Variants in VSTM5 observed in about 807,000 individuals in gnomAD.
VSTM5 encodes the protein V-set and transmembrane domain containing 5.
VSTM5 carries 21 observed loss-of-function variants against 20.3 expected under a neutral mutation model. That is an observed-to-expected ratio of 1.03 (90% CI 0.73 to 1.49). The LOEUF (loss-of-function observed/expected upper bound fraction) is 1.49. Ranked by LOEUF, VSTM5 falls within the 40% of genes most tolerant of loss-of-function variation. VSTM5 has a pLI of 0.00. For synonymous variants in VSTM5, 100 were observed against 102.5 expected, an observed-to-expected ratio of 0.98 and a Z score of 0.14; for missense variants, 219 against 250.0, an observed-to-expected ratio of 0.88 and a Z score of 0.84.
At chr11:93,841,514 A>T (rs561219117) in intron 1 of VSTM5, among the ~76,000 whole-genome samples, 2 of 152,310 alleles carry the variant, frequency 1.3e-5, no homozygotes, top group South Asian at 4.1e-4. Flanking sequence ...GGTTCTCAGC[A>T]TTTGGCTCCA....
At chr11:93,825,856 C>T (rs1302483817) in intron 1 of VSTM5, among the ~76,000 whole-genome samples, 2 of 150,560 alleles carry the variant, frequency 1.3e-5, no homozygotes, top group Non-Finnish European at 3.0e-5. Context: ...GCAGCCTTGA[C>T]CACCTGGTCA....
rs1944164059 is a variant in VSTM5, at chr11:93,819,790, G to A, written c.*779C>T. The A allele has an allele frequency of 6.6e-6, 1 of 152,266 alleles. No individual in the cohort carries two copies. 9.4% of individuals were successfully genotyped at this position (152,266 alleles called of 1,614,324 possible). ...GAGGCCAGGTGCTGCCCATAATGGA[G>A]ATGAGCTGTTGTTTTACTTACAATG... On this transcript the variant is annotated 3_prime_UTR_variant, in exon 4 of 4. Coordinates refer to ENST00000409977, the MANE Select transcript of VSTM5 (RefSeq NM_001144871.2).
intron 1 of VSTM5, among the ~76,000 whole-genome samples, chr11:93,849,886 C>T (rs913333055): frequency 6.6e-6 from 1 of 152,196 alleles, no homozygotes; most frequent in South Asian, 2.1e-4. Flanking sequence ...CAACCCAAAC[C>T]CCAGAACCGT....
intron 1 of VSTM5, chr11:93,827,733 A>G (rs1944250554): frequency 8.1e-6 from 1 of 123,434 alleles, no homozygotes; most frequent in Non-Finnish European, 1.7e-5. Flanking sequence ...GAGTAGTCTT[A>G]AAAAAAAAAA....
At chr11:93,829,565 A>G (rs1230466478) in intron 1 of VSTM5, among the ~76,000 whole-genome samples, 1 of 152,162 alleles carries the variant, frequency 6.6e-6, no homozygotes, top group Non-Finnish European at 1.5e-5. Context: ...AAGAGCAGAG[A>G]GAAAACTCCA....
intron 1 of VSTM5, among the ~76,000 whole-genome samples, chr11:93,827,029 A>G (rs1295713276): frequency 6.6e-6 from 1 of 152,208 alleles, no homozygotes; most frequent in Non-Finnish European, 1.5e-5. Context: ...GCATTTAACT[A>G]GGTGTTAGGA....
At chr11:93,832,178 C>T (rs1173043933) in intron 1 of VSTM5, among the ~76,000 whole-genome samples, 1 of 151,944 alleles carries the variant, frequency 6.6e-6, no homozygotes, top group African/African-American at 2.4e-5. Context: ...GGTAAGGAAC[C>T]AGTTAAATAA....
At chr11:93,821,656 T>C in intron 1 of VSTM5, 1 of 301,464 alleles carries the variant, frequency 3.3e-6, no homozygotes, top group African/African-American at 2.2e-5. Flanking sequence ...GCCCAAGGAC[T>C]CTTCTCATGA....
At position 93,819,615 on chromosome 11, in the gene VSTM5, G is replaced by C. The variant is rs188722137; in HGVS notation, c.*954C>G. ...GTAGGCAAGGGCCAAGCGTTCCTCA[G>C]CCCAGGTAGGAGAGGGCAAGGGCCT... is the stretch of plus-strand genomic sequence containing the variant. On this transcript the variant is annotated 3_prime_UTR_variant, in exon 4 of 4. Transcript: ENST00000409977. The C allele has an allele frequency of 1.3e-5, 2 of 152,470 alleles. No individual in the cohort carries two copies. Among genetic ancestry groups the C allele is most frequent in the East Asian group, 3.9e-4 (2 of 5,166 alleles). The allele number at this position is 152,470 out of a possible 1,614,324, so 9.4% of individuals were successfully genotyped here.
intron 1 of VSTM5, among the ~76,000 whole-genome samples, chr11:93,835,669 A>G (rs1358279991): frequency 6.6e-6 from 1 of 152,220 alleles, no homozygotes. Context: ...ACCTTTGAGT[A>G]TCAGAATTAT....
intron 1 of VSTM5, among the ~76,000 whole-genome samples, chr11:93,849,782 C>G (rs1050424755): frequency 6.6e-6 from 1 of 152,212 alleles, no homozygotes; most frequent in African/African-American, 2.4e-5. Context: ...GCTCACCAGG[C>G]TGGGGATTCC....
chr11:93,823,057 A>C (rs916857132), intron 1 of VSTM5, among the ~76,000 whole-genome samples: 1 of 152,212 alleles, frequency 6.6e-6, no homozygotes, highest in South Asian at 2.1e-4. Flanking sequence ...CATTTCGGTT[A>C]CTTTGGCCCA....
chr11:93,820,904 G>C, intron 2 of VSTM5, 21 bp from the exon 3 acceptor site: 1 of 1,550,952 alleles, frequency 6.4e-7, no homozygotes. Context: ...AGGGTGAGGG[G>C]AGGGGGAAGA....
At chr11:93,838,866 A>G (rs1437246317) in intron 1 of VSTM5, among the ~76,000 whole-genome samples, 1 of 152,234 alleles carries the variant, frequency 6.6e-6, no homozygotes, top group Non-Finnish European at 1.5e-5. Flanking sequence ...GAACAATTCC[A>G]GGGGCACAAG....
At position 93,850,468 on chromosome 11, in the gene VSTM5, C is replaced by T. The variant is rs533126575; in HGVS notation, c.35G>A (p.Arg12Gln). 4.5e-6 allele frequency: 7 copies of T among 1,550,024 alleles called. No homozygotes were observed. Among genetic ancestry groups the T allele is most frequent in the East Asian group, 4.9e-5 (2 of 40,842 alleles). ...RPLPSGRRKT[R>Q]GISLGLFALC... is the part of the protein sequence containing the mutation. ...GGCGAAGAGTCCTAGGGAGATGCCT[C>T]GGGTCTTCCTCCTCCCGCTGGGCAG... The change falls in exon 1 of 4, where the codon CGA (arginine) becomes CAA (glutamine). Residue 12 changes from arginine (R) to glutamine (Q), a missense_variant. By Grantham distance (43) the Arg-to-Gln change is conservative (BLOSUM62 1). Transcript: ENST00000409977.
chr11:93,831,796 A>G (rs762465992), intron 1 of VSTM5, among the ~76,000 whole-genome samples: 2 of 152,236 alleles, frequency 1.3e-5, no homozygotes, highest in African/African-American at 2.4e-5. Context: ...TAGATATCAG[A>G]TGTTATATTA....
At chr11:93,835,253 C>T (rs986233642) in intron 1 of VSTM5, among the ~76,000 whole-genome samples, 3 of 151,572 alleles carry the variant, frequency 2.0e-5, no homozygotes, top group Admixed American at 6.6e-5. Flanking sequence ...AACAAGAACA[C>T]GTCTCTTTAA....
intron 1 of VSTM5, among the ~76,000 whole-genome samples, chr11:93,845,648 A>G (rs577732304): frequency 1.3e-5 from 2 of 152,276 alleles, no homozygotes; most frequent in South Asian, 4.1e-4. Flanking sequence ...GGGAAAATCC[A>G]GGTGCAGAGA....
At chr11:93,841,620 G>A (rs1447752183) in intron 1 of VSTM5, among the ~76,000 whole-genome samples, 2 of 152,198 alleles carry the variant, frequency 1.3e-5, no homozygotes, top group East Asian at 1.9e-4. Context: ...TCCCAAAACT[G>A]TACTTTTAGA....
Sources: gnomAD v4.1 joint callset for allele counts (sites outside exome capture counted in the v4.1 genomes callset) on GRCh38, gnomAD v4.1.1 for gene constraint, MANE v1.5 for transcripts, NCBI Gene and HGNC (gene_info 2026-07-23, HGNC 2026-07-21) for gene names.